Variants in ASIC2 observed in about 807,000 individuals in gnomAD.
The protein encoded by ASIC2 is acid-sensing ion channel 2.
A neutral mutation model predicts 57.3 loss-of-function variants in ASIC2; 25 were observed. The observed-to-expected ratio is 0.44, with a 90% confidence interval of 0.32 to 0.61. ASIC2 has a LOEUF of 0.61. Among genes scored for constraint, ASIC2 ranks in the 20% least tolerant of loss-of-function variants. The pLI is 0.06. For synonymous variants in ASIC2, 319 were observed against 307.5 expected (o/e 1.04, Z -0.39); for missense variants, 641 against 738.1 (o/e 0.87, Z 1.52).
intron 1 of ASIC2, among the ~76,000 whole-genome samples, chr17:33,731,295 G>A (rs1005545537): frequency 6.6e-6 from 1 of 152,140 alleles, no homozygotes; most frequent in Admixed American, 6.5e-5. Flanking sequence ...CTTGCTTTAG[G>A]ACAGACATTG....
chr17:33,821,250 C>T (rs952590707), intron 1 of ASIC2, among the ~76,000 whole-genome samples: 1 of 152,068 alleles, frequency 6.6e-6, no homozygotes, highest in African/African-American at 2.4e-5. Flanking sequence ...TTCCGTTGTC[C>T]CACCCCTCAA....
chr17:34,148,603 C>T (rs1187503848), intron 1 of ASIC2, among the ~76,000 whole-genome samples: 3 of 152,132 alleles, frequency 2.0e-5, no homozygotes, highest in Non-Finnish European at 4.4e-5. Context: ...CTGAGGTGGT[C>T]TTGCGAGAAG....
intron 1 of ASIC2, among the ~76,000 whole-genome samples, chr17:34,082,920 T>A (rs956699852): frequency 1.3e-5 from 2 of 152,252 alleles, no homozygotes; most frequent in Non-Finnish European, 2.9e-5. Flanking sequence ...GGAAGAAGTT[T>A]TTGAATGCAG....
chr17:33,176,538 C>T (rs980473418), intron 1 of ASIC2, among the ~76,000 whole-genome samples: 19 of 152,136 alleles, frequency 1.2e-4, no homozygotes, highest in African/African-American at 4.1e-4. Context: ...GATGGGGTCT[C>T]ACCACGTTGC....
intron 1 of ASIC2, among the ~76,000 whole-genome samples, chr17:34,047,283 T>C (rs938696795): frequency 6.6e-6 from 1 of 151,910 alleles, no homozygotes; most frequent in African/African-American, 2.4e-5. Flanking sequence ...AAGTAACAAA[T>C]CATACATTAA....
chr17:33,485,368 G>C (rs959340821), intron 1 of ASIC2, among the ~76,000 whole-genome samples: 5 of 152,206 alleles, frequency 3.3e-5, no homozygotes, highest in Admixed American at 1.3e-4. Context: ...CAAGGGCACT[G>C]CCTCCCTGGC....
intron 1 of ASIC2, among the ~76,000 whole-genome samples, chr17:33,863,039 T>C (rs1028046502): frequency 6.6e-6 from 1 of 152,246 alleles, no homozygotes; most frequent in African/African-American, 2.4e-5. Flanking sequence ...CAAAGAGCCC[T>C]AGAGTGTTCA....
At chr17:33,142,629 G>T (rs1904364670) in intron 1 of ASIC2, among the ~76,000 whole-genome samples, 1 of 152,162 alleles carries the variant, frequency 6.6e-6, no homozygotes, top group Non-Finnish European at 1.5e-5. Context: ...TGGGGCATAT[G>T]GTTCTCTTGG....
intron 1 of ASIC2, among the ~76,000 whole-genome samples, chr17:33,947,706 A>G (rs1199010508): frequency 2.0e-5 from 3 of 152,228 alleles, no homozygotes; most frequent in Non-Finnish European, 4.4e-5. Context: ...AAAGAGATGA[A>G]TTCTGAAAAT....
intron 1 of ASIC2, among the ~76,000 whole-genome samples, chr17:33,495,680 C>T: frequency 6.6e-6 from 1 of 152,220 alleles, no homozygotes; most frequent in South Asian, 2.1e-4. Context: ...AAGGCCAGGC[C>T]CCCCACCCTC....
intron 1 of ASIC2, among the ~76,000 whole-genome samples, chr17:33,455,935 T>A (rs1484553807): frequency 1.3e-5 from 2 of 152,058 alleles, no homozygotes; most frequent in Non-Finnish European, 2.9e-5. Context: ...TGTCCAATGG[T>A]GTCATTTTTA....
At chr17:33,297,145 T>G (rs1905751303), upstream of ASIC2, among the ~76,000 whole-genome samples, 1 of 152,248 alleles carries the variant, frequency 6.6e-6, no homozygotes, top group Non-Finnish European at 1.5e-5. Context: ...GAAAGGGGTC[T>G]AGCAGTCCAC....
rs149741679 is a variant in ASIC2, at chr17:33,717,371, G to T, written c.555+438607C>A. Among the ~76,000 whole-genome samples, 526 of 152,292 alleles carry T rather than the reference G, an allele frequency of 3.5e-3. 3 individuals carry two copies. The highest frequency in any genetic ancestry group is 0.012 in the African/African-American group (500 of 41,566). On this transcript the variant is annotated intron_variant, in intron 1 of 9. Coordinates refer to the ASIC2 transcript ENST00000359872. The stretch of plus-strand genomic sequence containing the variant: ...GGGCCCTCTGTGGAGTTGGGCAAGG[G>T]GAACAAACTGTTAGCACATGGTCTG...
intron 1 of ASIC2, chr17:33,680,710 C>T (rs1443214332): frequency 6.6e-6 from 1 of 152,194 alleles, no homozygotes; most frequent in Admixed American, 6.5e-5. Flanking sequence ...AGGCCTCATC[C>T]CCACCCCACC....
At chr17:33,773,573 G>A (rs1911180120) in intron 1 of ASIC2, among the ~76,000 whole-genome samples, 3 of 152,054 alleles carry the variant, frequency 2.0e-5, no homozygotes, top group Admixed American at 1.3e-4. Flanking sequence ...ACACTGAGAA[G>A]GGGAAGGAAA....
intron 1 of ASIC2, among the ~76,000 whole-genome samples, chr17:33,133,264 T>C (rs536075166): frequency 1.2e-4 from 19 of 152,136 alleles, no homozygotes; most frequent in Non-Finnish European, 2.4e-4. Flanking sequence ...GGGCACAGCG[T>C]TGGCAGAGGC....
At chr17:33,237,304 A>G (rs1040485337) in intron 1 of ASIC2, among the ~76,000 whole-genome samples, 15 of 151,686 alleles carry the variant, frequency 9.9e-5, no homozygotes, top group African/African-American at 3.1e-4. Context: ...GTGGTGGGAG[A>G]AGGTATTGGT....
intron 1 of ASIC2, chr17:33,290,549 G>A (rs959067993): frequency 6.6e-6 from 1 of 152,252 alleles, no homozygotes; most frequent in Non-Finnish European, 1.5e-5. Flanking sequence ...TGGGGGAACC[G>A]GCACAGCAAA....
intron 1 of ASIC2, among the ~76,000 whole-genome samples, chr17:33,246,627 G>A (rs1283389186): frequency 6.6e-6 from 1 of 152,238 alleles, no homozygotes; most frequent in Non-Finnish European, 1.5e-5. Context: ...TCCCTCCTGA[G>A]CTAAGTGCAA....
Sources: gnomAD v4.1 joint callset for allele counts (sites outside exome capture counted in the v4.1 genomes callset) on GRCh38, gnomAD v4.1.1 for gene constraint, MANE v1.5 for transcripts, NCBI Gene and HGNC (gene_info 2026-07-23, HGNC 2026-07-21) for gene names.